The following RNF6 variants were observed in gnomAD, a reference collection of about 807,000 sequenced individuals.
The protein encoded by RNF6 is ring finger protein 6.
Under a neutral mutation model 50.1 loss-of-function variants are expected in RNF6, and 21 were observed. The observed-to-expected ratio is 0.42, with a 90% CI of 0.30 to 0.60. RNF6 has a LOEUF of 0.60. Among genes scored for constraint, RNF6 ranks in the 20% least tolerant of loss-of-function variants. RNF6 has a pLI of 0.20. For synonymous variants in RNF6, 255 were observed against 291.8 expected (o/e 0.87, Z 1.29); for missense variants, 698 against 838.2 (o/e 0.83, Z 2.07).
At chr13:26,178,754 C>T (rs1281579424) in intron 5 of RNF6, among the ~76,000 whole-genome samples, 1 of 151,844 alleles carries the variant, frequency 6.6e-6, no homozygotes, top group African/African-American at 2.4e-5. Context: ...TTTGCATAAC[C>T]AAAACTTGGA....
At chr13:26,140,198 A>G (rs1049569403) in intron 5 of RNF6, among the ~76,000 whole-genome samples, 13 of 152,220 alleles carry the variant, frequency 8.5e-5, no homozygotes, top group African/African-American at 2.7e-4. Context: ...TCTATTGCTT[A>G]TATGCTATTT....
At chr13:26,132,382 A>G in exon 6 of RNF6, 1 of 454,790 alleles carries the variant, frequency 2.2e-6, no homozygotes. Flanking sequence ...GAGGTGCTTC[A>G]CAGTCTATTT....
chr13:26,137,995 G>A (rs1007797173), intron 5 of RNF6, among the ~76,000 whole-genome samples: 5 of 152,048 alleles, frequency 3.3e-5, no homozygotes, highest in African/African-American at 1.2e-4. Flanking sequence ...ACACACCCAA[G>A]AAGCTTAACA....
intron 5 of RNF6, among the ~76,000 whole-genome samples, chr13:26,175,481 A>AAGGAT (rs1872911941): frequency 1.3e-5 from 2 of 152,186 alleles, no homozygotes. Flanking sequence ...GTCTCCTCTC[A>AAGGAT]GATGACCTAC....
downstream of RNF6, among the ~76,000 whole-genome samples, chr13:26,208,393 C>T (rs980012683): frequency 3.9e-5 from 6 of 152,170 alleles, no homozygotes; most frequent in Non-Finnish European, 8.8e-5. Flanking sequence ...GTAGACAACA[C>T]TTCTCTCATG....
chr13:26,196,055 A>C, intron 5 of RNF6, among the ~76,000 whole-genome samples: 1 of 152,178 alleles, frequency 6.6e-6, no homozygotes, highest in Admixed American at 6.5e-5. Flanking sequence ...AATGGCCAAA[A>C]TTTTCTAAAA....
intron 5 of RNF6, among the ~76,000 whole-genome samples, chr13:26,135,034 A>G (rs1870580970): frequency 6.6e-6 from 1 of 152,232 alleles, no homozygotes. Flanking sequence ...TAAGAAAACT[A>G]ATAAGGCAGG....
At chr13:26,201,760 C>T (rs183045857) in intron 5 of RNF6, among the ~76,000 whole-genome samples, 48 of 152,250 alleles carry the variant, frequency 3.2e-4, no homozygotes, top group African/African-American at 1.1e-3. Flanking sequence ...TCAAGAGTAG[C>T]ATAATTAAGA....
chr13:26,215,082 A>C lies in RNF6; in HGVS notation c.800T>G (p.Leu267Arg). 5 of 1,614,208 alleles carry C rather than the reference A, an allele frequency of 3.1e-6. No homozygotes were observed. Among genetic ancestry groups the C allele is most frequent in the Non-Finnish European group, 4.2e-6 (5 of 1,180,040 alleles). Residue 267 changes from leucine to arginine, a missense_variant, in exon 5 of 5, where the codon CTC becomes CGC. Leu to Arg is a moderately radical substitution (Grantham distance 102). Transcript: ENST00000381588. ...SHTNQSGGSE[L>R]RQREGQRFGA... Reference sequence around the variant, plus strand: ...AAACCGTTGCCCCTCCCTTTGCCTGAGTTCACTACCACCTGATTGGTTTGT... The same window carrying C: ...AAACCGTTGCCCCTCCCTTTGCCTGCGTTCACTACCACCTGATTGGTTTGT...
intron 5 of RNF6, among the ~76,000 whole-genome samples, chr13:26,162,864 T>C (rs1398059718): frequency 1.3e-5 from 2 of 152,270 alleles, no homozygotes. Context: ...GTAATATTTA[T>C]AACATCTCTG....
chr13:26,150,823 C>G (rs1871552237), intron 5 of RNF6: 1 of 151,942 alleles, frequency 6.6e-6, no homozygotes, highest in Admixed American at 6.6e-5. Context: ...CTTCTATAAC[C>G]TCTTCAATGC....
chr13:26,183,399 G>A (rs991796486), intron 5 of RNF6, among the ~76,000 whole-genome samples: 6 of 152,310 alleles, frequency 3.9e-5, no homozygotes, highest in Middle Eastern at 3.4e-3. Context: ...AATGAGACAT[G>A]TAAAGCAATT....
chr13:26,218,479 G>T, intron 4 of RNF6, 32 bp downstream of exon 4: 1 of 1,524,004 alleles, frequency 6.6e-7, no homozygotes, highest in Non-Finnish European at 9.1e-7. Flanking sequence ...CTCCAATCAA[G>T]CCTGTTCCTT....
At position 26,214,006 on chromosome 13, in the gene RNF6, T is replaced by C; in HGVS notation, c.1876A>G (p.Ser626Gly). The change falls in exon 5 of 5, where the codon AGT becomes GGT. Residue 626 changes from serine to glycine, a missense_variant. Coordinates refer to ENST00000381588, the MANE Select transcript of RNF6 (RefSeq NM_005977.4). ...ACACTACAGATTTTACCTAGTTCAC[T>C]ATCAATACTGTTATGCTCATAGTGC... ...TRHYEHNSID[S>G]ELGKICSVCI... The C allele has an allele frequency of 6.2e-7, 1 of 1,614,242 alleles. No individual in the cohort carries two copies. Among genetic ancestry groups the C allele is most frequent in the Non-Finnish European group, 8.5e-7 (1 of 1,180,044 alleles).
At chr13:26,206,450 G>C (rs1869112349) in intron 5 of RNF6, among the ~76,000 whole-genome samples, 1 of 152,210 alleles carries the variant, frequency 6.6e-6, no homozygotes, top group African/African-American at 2.4e-5. Flanking sequence ...AGGTAAACTT[G>C]AACTGTTGAA....
chr13:26,179,469 G>A lies in RNF6; in HGVS notation n.768+36005C>T, dbSNP rs1293332974. On this transcript the variant is annotated intron_variant and non_coding_transcript_variant, in intron 5 of 5. Transcript: ENST00000468480. ...CTCCACTCTGGGTTCTGTATCCCAG[G>A]GGCATTTGGGATCACTGAGTACAAG... Among the ~76,000 whole-genome samples the A allele has an allele frequency of 4.6e-5, 7 of 152,132 alleles. No homozygotes were observed. In the East Asian group the frequency reaches 9.6e-4, roughly 21 times the overall value.
At chr13:26,154,866 C>A (rs188928078) in intron 5 of RNF6, among the ~76,000 whole-genome samples, 1 of 151,974 alleles carries the variant, frequency 6.6e-6, no homozygotes, top group African/African-American at 2.4e-5. Context: ...CCTGTCTCTA[C>A]TAAAAATAAA....
At chr13:26,221,904 A>C (rs907226440) in intron 1 of RNF6, 99 bp downstream of exon 1, 2 of 152,440 alleles carry the variant, frequency 1.3e-5, no homozygotes, top group Admixed American at 1.3e-4. Context: ...GAAGGCAGTT[A>C]ACCAATCGGA....
chr13:26,155,038 C>G (rs544755377), intron 5 of RNF6, among the ~76,000 whole-genome samples: 15 of 142,848 alleles, frequency 1.1e-4, no homozygotes, highest in African/African-American at 3.1e-4. Flanking sequence ...TGAAAAAAAG[C>G]AAAAAACAAA....
Sources: gnomAD v4.1 joint callset for allele counts (sites outside exome capture counted in the v4.1 genomes callset) on GRCh38, gnomAD v4.1.1 for gene constraint, MANE v1.5 for transcripts, NCBI Gene and HGNC (gene_info 2026-07-23, HGNC 2026-07-21) for gene names.